Variants in BBS9 observed in about 807,000 individuals in gnomAD.
BBS9 encodes Bardet-Biedl syndrome 9.
In BBS9, 89 loss-of-function variants were observed where a neutral mutation model predicts 117.7. That is an observed-to-expected ratio of 0.76 (90% confidence interval 0.64 to 0.90). The LOEUF is 0.90. Among genes scored for constraint, BBS9 ranks in the 40% least tolerant of loss-of-function variants. The pLI is 0.00. For synonymous variants in BBS9, 379 were observed against 370.9 expected (o/e 1.02, Z -0.25); for missense variants, 982 against 1,042.2 (o/e 0.94, Z 0.80).
intron 9 of BBS9, among the ~76,000 whole-genome samples, chr7:33,286,454 C>T (rs552406787): frequency 5.3e-4 from 81 of 152,178 alleles, no homozygotes; most frequent in African/African-American, 5.3e-4. Flanking sequence ...GTGACTTTGC[C>T]GTTCATTTTT....
intron 21 of BBS9, 190 bp downstream of exon 21, chr7:33,534,366 A>G: frequency 1.5e-6 from 1 of 647,524 alleles, no homozygotes; most frequent in Non-Finnish European, 2.7e-6. Context: ...TTTGCTTGCT[A>G]GACATTTCCA....
chr7:33,237,258 G>A (rs866962618), intron 5 of BBS9, among the ~76,000 whole-genome samples: 4 of 152,270 alleles, frequency 2.6e-5, no homozygotes, highest in Admixed American at 6.5e-5. Context: ...AGGTCACTCT[G>A]TATATTAGCT....
At chr7:33,230,598 A>G (rs890655757) in intron 5 of BBS9, among the ~76,000 whole-genome samples, 5 of 152,108 alleles carry the variant, frequency 3.3e-5, no homozygotes, top group African/African-American at 1.2e-4. Context: ...CTGAGTCTGC[A>G]ATGTCTAGTG....
chr7:33,356,942 A>G (rs1056515536), intron 15 of BBS9, among the ~76,000 whole-genome samples: 1 of 151,828 alleles, frequency 6.6e-6, no homozygotes, highest in Non-Finnish European at 1.5e-5. Context: ...ATAGGCTTCT[A>G]TATATTATCT....
At chr7:33,524,794 T>C (rs1204524353) in intron 20 of BBS9, among the ~76,000 whole-genome samples, 3 of 152,194 alleles carry the variant, frequency 2.0e-5, no homozygotes, top group Non-Finnish European at 4.4e-5. Context: ...CTTCTAGCTT[T>C]TGAATGTGTT....
chr7:33,344,317 C>T (rs1041045941), intron 11 of BBS9, among the ~76,000 whole-genome samples: 1 of 151,952 alleles, frequency 6.6e-6, no homozygotes, highest in African/African-American at 2.4e-5. Context: ...AATCCACCCA[C>T]CTCGGCCTCC....
chr7:33,329,685 T>C (rs765893761), intron 9 of BBS9, among the ~76,000 whole-genome samples: 5 of 152,172 alleles, frequency 3.3e-5, no homozygotes, highest in Non-Finnish European at 4.4e-5. Flanking sequence ...TGATATATTT[T>C]TCTAAAATGT....
chr7:33,243,517 C>T (rs1415941863), intron 5 of BBS9, among the ~76,000 whole-genome samples: 1 of 152,172 alleles, frequency 6.6e-6, no homozygotes, highest in Non-Finnish European at 1.5e-5. Flanking sequence ...GAGCCTTTGT[C>T]TCACTTTTTG....
At chr7:33,324,323 C>T (rs1296084451) in intron 9 of BBS9, among the ~76,000 whole-genome samples, 2 of 152,108 alleles carry the variant, frequency 1.3e-5, no homozygotes, top group Admixed American at 1.3e-4. Flanking sequence ...AACAAGCAAA[C>T]AAATCAAAGA....
intron 1 of BBS9, among the ~76,000 whole-genome samples, chr7:33,140,838 T>C (rs1227607779): frequency 6.6e-6 from 1 of 152,248 alleles, no homozygotes; most frequent in Non-Finnish European, 1.5e-5. Context: ...ATTTTGAAAC[T>C]CATGATAAAT....
At chr7:33,503,196 A>G (rs1015858819) in intron 19 of BBS9, among the ~76,000 whole-genome samples, 3 of 152,210 alleles carry the variant, frequency 2.0e-5, no homozygotes, top group African/African-American at 4.8e-5. Flanking sequence ...AAATAAAATT[A>G]CTAAGAATTT....
chr7:33,271,120 A>C (rs1407821085), intron 7 of BBS9, among the ~76,000 whole-genome samples: 1 of 152,188 alleles, frequency 6.6e-6, no homozygotes, highest in East Asian at 1.9e-4. Context: ...TAAGCTTCAT[A>C]TGTGAAGGAG....
At chr7:33,518,245 CTTTTTTTTTT>C (rs747829401) in intron 20 of BBS9, among the ~76,000 whole-genome samples, 1 of 93,930 alleles carries the variant, frequency 1.1e-5, no homozygotes, top group Non-Finnish European at 2.0e-5. Flanking sequence ...TGTATATATT[CTTTTTTTTTT>C]TTTTTTTTTT....
At chr7:33,571,790 T>C (rs1857841895) in intron 21 of BBS9, among the ~76,000 whole-genome samples, 1 of 152,044 alleles carries the variant, frequency 6.6e-6, no homozygotes, top group Non-Finnish European at 1.5e-5. Context: ...ATATAAATGT[T>C]TAATTTTTAC....
At chr7:33,358,118 G>A in intron 16 of BBS9, 123 bp downstream of exon 16, 9 of 1,296,504 alleles carry the variant, frequency 6.9e-6, no homozygotes, top group Non-Finnish European at 8.7e-6. Context: ...GTATAAAAAT[G>A]CCTCAAGGAT....
At chr7:33,131,895 C>A (rs1562642624) in intron 1 of BBS9, among the ~76,000 whole-genome samples, 1 of 151,994 alleles carries the variant, frequency 6.6e-6, no homozygotes, top group South Asian at 2.1e-4. Flanking sequence ...TCTGAGTAAA[C>A]TTGTTGTAGA....
In BBS9 at chr7:33,585,717, C is replaced by T. The variant is rs547889204; in HGVS notation, c.2522-19148C>T. Among the ~76,000 whole-genome samples, 16 of 151,950 alleles carry T rather than the reference C, an allele frequency of 1.1e-4. No homozygotes were observed. In the South Asian group the frequency reaches 2.1e-3, roughly 20 times the overall value. On this transcript the variant is annotated intron_variant, in intron 21 of 22. Transcript: ENST00000242067. Reference sequence around the variant, plus strand: ...CATATTCTTATATAAAAATTGCATCCGGTTCATCACCCCTCAAAACCCATA... The same window carrying T: ...CATATTCTTATATAAAAATTGCATCTGGTTCATCACCCCTCAAAACCCATA...
chr7:33,596,519 G>A (rs1374445699), intron 21 of BBS9, among the ~76,000 whole-genome samples: 4 of 151,970 alleles, frequency 2.6e-5, no homozygotes, highest in African/African-American at 9.7e-5. Context: ...GAAGAAGAGA[G>A]GTCATGGAGG....
At chr7:33,627,854 G>T (rs1352748025) in intron 21 of BBS9, among the ~76,000 whole-genome samples, 1 of 152,224 alleles carries the variant, frequency 6.6e-6, no homozygotes, top group South Asian at 2.1e-4. Flanking sequence ...ACCAGCCTGA[G>T]CAACATGGTG....
Sources: allele counts gnomAD v4.1 joint callset (sites outside exome capture counted in the v4.1 genomes callset), GRCh38; gene constraint gnomAD v4.1.1; transcripts MANE v1.5; gene names NCBI Gene and HGNC (gene_info 2026-07-23, HGNC 2026-07-21).